DYNC1H1: variants seen among roughly 807,000 people sequenced by gnomAD.
The protein encoded by DYNC1H1 is cytoplasmic dynein 1 heavy chain 1.
DYNC1H1 carries 51 observed loss-of-function variants against 527.1 expected under a neutral mutation model. That is an observed-to-expected ratio of 0.10 (90% CI 0.08 to 0.12). DYNC1H1 has a LOEUF of 0.12. Among genes scored for constraint, DYNC1H1 ranks in the 10% least tolerant of loss-of-function variants. The pLI is 1.00. For missense variants in DYNC1H1, 2,771 were observed against 5,971.8 expected (o/e 0.46, Z 17.66); for synonymous variants, 2,189 against 2,278.8 (o/e 0.96, Z 1.12).
chr14:102,050,415 A>AAACC lies in DYNC1H1; in HGVS notation c.13813-19_13813-16dup. 1.2e-6 allele frequency: 2 copies of AAACC among 1,614,154 alleles called. No individual in the cohort carries two copies. Among genetic ancestry groups the AAACC allele is most frequent in the Non-Finnish European group, 1.7e-6 (2 of 1,180,024 alleles). The stretch of plus-strand genomic sequence containing the variant: ...CTTACTTTTCCCTTAAGCCACCAGT[A>AAACC]AACCCCTCTGCTTCTGCAGGTAACC... On this transcript the variant is annotated intron_variant, in intron 77 of 77. Transcript: ENST00000360184.
rs2048581225 is a variant in DYNC1H1, at chr14:102,036,837, G to T, written c.10908+195G>T. The T allele has an allele frequency of 1.5e-6, 1 of 683,872 alleles. No individual in the cohort carries two copies. The highest frequency in any genetic ancestry group is 2.4e-6 in the Non-Finnish European group (1 of 418,548). 42.4% of individuals were successfully genotyped at this position (683,872 alleles called of 1,614,324 possible). On this transcript the variant is annotated intron_variant, in intron 57 of 77. Transcript: ENST00000360184. This position sits in a 1 kb window ranked among gnomAD's most constrained non-coding sequence, Gnocchi z 5.6. ...ATTCTATTCAGTGGTCGGGCGAGGT[G>T]GCTCACACCTGTAATCTCAGCACTT...
intron 69 of DYNC1H1, chr14:102,043,613 C>T (rs1372604277): frequency 3.8e-6 from 2 of 527,072 alleles, no homozygotes; most frequent in African/African-American, 3.8e-5. Context: ...GTGCCACATT[C>T]ACGTTTTCTG....
chr14:101,990,194 G>T (rs2720203), intron 10 of DYNC1H1, among the ~76,000 whole-genome samples: 31,490 of 152,138 alleles, frequency 0.21, 4,379 homozygotes, highest in African/African-American at 0.39. Flanking sequence ...AATTCTTGTT[G>T]AGTGTAAAGC....
In DYNC1H1 at chr14:102,033,088, A is replaced by G. The variant is rs1356616117; in HGVS notation, c.10103A>G (p.Lys3368Arg). The change falls in exon 53 of 78, where the codon AAG becomes AGG. Residue 3368 changes from lysine (K) to arginine (R), a missense_variant. Around this residue, in one of 32 missense-constraint regions of DYNC1H1, gnomAD observed 283 missense variants for 737.6 expected, o/e 0.38. Transcript: ENST00000360184. The surrounding 1 kb of genome is among the most constrained non-coding windows in gnomAD (Gnocchi z 5.6). ...AGTGACGCCATAAGGGAGAAGATGA[A>G]GAAAAATTACATGTCCAATCCAAGT... ...EISDAIREKMKKNYMSNPSYN... is the reference protein window; with the variant it reads ...EISDAIREKMRKNYMSNPSYN... 1 of 1,614,214 alleles carries G rather than the reference A, an allele frequency of 6.2e-7. No homozygotes were observed. Among genetic ancestry groups the G allele is most frequent in the South Asian group, 1.1e-5 (1 of 91,074 alleles).
In DYNC1H1 at chr14:102,016,524, T is replaced by G; in HGVS notation, c.7614+35T>G. ...CAGCTACCACCCGTGTTTCTGATTCTCGCCTTGTTGATTTAACTCATCCTG... is the reference window on the plus strand; with the variant it reads ...CAGCTACCACCCGTGTTTCTGATTCGCGCCTTGTTGATTTAACTCATCCTG... On this transcript the variant is annotated intron_variant, in intron 37 of 77. Transcript: ENST00000360184. The surrounding 1 kb of genome is among the most constrained non-coding windows in gnomAD (Gnocchi z 7.3). 1 of 1,614,168 alleles carries G rather than the reference T, an allele frequency of 6.2e-7. No homozygotes were observed.
At position 102,049,600 on chromosome 14, in the gene DYNC1H1, G is replaced by GA. The variant is rs774180410; in HGVS notation, c.13515+19dup. 1.2e-6 allele frequency: 2 copies of GA among 1,613,714 alleles called. No individual in the cohort carries two copies. On this transcript the variant is annotated intron_variant, in intron 75 of 77. Transcript: ENST00000360184. This position sits in a 1 kb window ranked among gnomAD's most constrained non-coding sequence, Gnocchi z 5.5. ...AGCTAAAGGTGAAGGCGCTCCTGAC[G>GA]AGTCTCGGGTGGTCAGCAGCTGTCC... is the stretch of plus-strand genomic sequence containing the variant.
At chr14:102,009,777 T>C (rs952033642) in intron 29 of DYNC1H1, 66 bp from the exon 30 acceptor site, 15 of 1,608,636 alleles carry the variant, frequency 9.3e-6, no homozygotes, top group Non-Finnish European at 1.2e-5. Context: ...TTTAGAGACA[T>C]TTTAGAATGC....
chr14:102,013,138 A>G (rs1157345580), intron 34 of DYNC1H1, among the ~76,000 whole-genome samples: 2 of 150,706 alleles, frequency 1.3e-5, no homozygotes, highest in Admixed American at 6.7e-5. Context: ...AGTCCCAGCT[A>G]CTCAAGAGGC....
chr14:102,039,571 C>T lies in DYNC1H1; in HGVS notation c.11595+25C>T. The T allele has an allele frequency of 6.2e-7, 1 of 1,614,220 alleles. No homozygotes were observed. The highest frequency in any genetic ancestry group is 8.5e-7 in the Non-Finnish European group (1 of 1,180,020). ...GGTAGAGTGAGGTCCTCAGCCGCTC[C>T]CTGGCGGGGGGGAAGCAGGGTGCTG... On this transcript the variant is annotated intron_variant, in intron 61 of 77. Coordinates refer to ENST00000360184, the MANE Select transcript of DYNC1H1 (RefSeq NM_001376.5). The surrounding 1 kb of genome is among the most constrained non-coding windows in gnomAD (Gnocchi z 7.0).
Position 102,004,694 on chromosome 14 carries a change from G to A in DYNC1H1, c.5049+11G>A. On this transcript the variant is annotated intron_variant, in intron 24 of 77. Coordinates refer to ENST00000360184, the MANE Select transcript of DYNC1H1 (RefSeq NM_001376.5). ...CGGGAAGGAGAGGAGGTAAATTTAT[G>A]TTCGTAACTTTTAAAACTTCTCTCA... 1 of 1,614,124 alleles carries A rather than the reference G, an allele frequency of 6.2e-7. No individual in the cohort carries two copies. Among genetic ancestry groups the A allele is most frequent in the Non-Finnish European group, 8.5e-7 (1 of 1,180,020 alleles).
At chr14:101,973,960 A>G (rs924602590) in intron 1 of DYNC1H1, among the ~76,000 whole-genome samples, 8 of 152,246 alleles carry the variant, frequency 5.3e-5, no homozygotes, top group African/African-American at 1.9e-4. Flanking sequence ...ACCTAACTCA[A>G]TATTCTACTG....
At chr14:101,992,339 C>A (rs968195032) in intron 11 of DYNC1H1, among the ~76,000 whole-genome samples, 1 of 152,164 alleles carries the variant, frequency 6.6e-6, no homozygotes, top group South Asian at 2.1e-4. Flanking sequence ...TGGCTAAAAT[C>A]GTGGTGATGT....
At position 102,049,429 on chromosome 14, in the gene DYNC1H1, C is replaced by T. The variant is rs1335281008; in HGVS notation, c.13373-11C>T. ...AGCTGACACCCTGGGCTCTGTGTGC[C>T]TTGGCTGCAGGGATCTTGCCTCGGA... On this transcript the variant is annotated splice_polypyrimidine_tract_variant and intron_variant, in intron 74 of 77. Transcript: ENST00000360184. This position sits in a 1 kb window ranked among gnomAD's most constrained non-coding sequence, Gnocchi z 5.5. The T allele has an allele frequency of 1.9e-6, 3 of 1,613,932 alleles. No homozygotes were observed. Among genetic ancestry groups the T allele is most frequent in the Non-Finnish European group, 1.7e-6 (2 of 1,180,036 alleles).
Position 102,041,251 on chromosome 14 carries a change from C to T in DYNC1H1, c.11942-323C>T, listed in dbSNP as rs1482816950. The T allele has an allele frequency of 4.9e-6, 2 of 411,270 alleles. No individual in the cohort carries two copies. Among genetic ancestry groups the T allele is most frequent in the Non-Finnish European group, 9.2e-6 (2 of 218,274 alleles). 25.5% of individuals were successfully genotyped at this position (411,270 alleles called of 1,614,324 possible). ...AGCCAGGCTGAGAGGAAGTGTCAGA[C>T]TGTGGAGGGCAGAGCGTGGAGCCCC... On this transcript the variant is annotated intron_variant, in intron 64 of 77. Transcript: ENST00000360184. This position sits in a 1 kb window ranked among gnomAD's most constrained non-coding sequence, Gnocchi z 4.5.
chr14:102,001,130 T>G lies in DYNC1H1; in HGVS notation c.4186-15T>G. ...AACGCACCTGCACAGATCACTTTGT[T>G]TACTTTCTCCACAGATAAATATGCT... On this transcript the variant is annotated splice_polypyrimidine_tract_variant and intron_variant, in intron 19 of 77. Transcript: ENST00000360184. This position sits in a 1 kb window ranked among gnomAD's most constrained non-coding sequence, Gnocchi z 5.0. 2 of 1,614,196 alleles carry G rather than the reference T, an allele frequency of 1.2e-6. No homozygotes were observed. Among genetic ancestry groups the G allele is most frequent in the Admixed American group, 1.7e-5 (1 of 60,016 alleles).
rs1256915659 is a variant in DYNC1H1, at chr14:101,997,445, G to A, written c.3804+171G>A. On this transcript the variant is annotated intron_variant, in intron 16 of 77. Coordinates refer to ENST00000360184, the MANE Select transcript of DYNC1H1 (RefSeq NM_001376.5). The surrounding 1 kb of genome is among the most constrained non-coding windows in gnomAD (Gnocchi z 4.8). ...GAGATAGCAAATGTGAAAATATGAA[G>A]CCCAGCTTAGACCTCTTTTTACTCA... Among the ~76,000 whole-genome samples the A allele has an allele frequency of 6.6e-6, 1 of 152,172 alleles. No homozygotes were observed. The highest frequency in any genetic ancestry group is 2.4e-5 in the African/African-American group (1 of 41,434).
intron 34 of DYNC1H1, among the ~76,000 whole-genome samples, chr14:102,013,248 CAAAAAAAAAA>C (rs57229386): frequency 2.4e-5 from 1 of 41,314 alleles, no homozygotes; most frequent in African/African-American, 9.3e-5. Flanking sequence ...GACTCCGTCT[CAAAAAAAAAA>C]AAAAAAAAAA....
chr14:101,970,467 G>C (rs2047720638), intron 1 of DYNC1H1, among the ~76,000 whole-genome samples: 1 of 103,548 alleles, frequency 9.7e-6, no homozygotes, highest in African/African-American at 5.0e-5. Context: ...TGTTTGGTTT[G>C]TTGTTGTTTT....
rs758458056 is a variant in DYNC1H1 at position 102,054,564 on chromosome 14, C to CTT, written c.*4022_*4023dup. On this transcript the variant is annotated 3_prime_UTR_variant, in exon 78 of 78. Coordinates refer to ENST00000360184, the MANE Select transcript of DYNC1H1 (RefSeq NM_001376.5). ...CATCACCAACAGAGCCTTTGCAGAA[C>CTT]TTTTTTTTTTTTTTTTTTTTTTGAG... 2,070 of 113,768 alleles carry CTT rather than the reference C, an allele frequency of 0.018. 89 individuals carry two copies. Among genetic ancestry groups the CTT allele is most frequent in the African/African-American group, 0.049 (1,271 of 26,024 alleles). 7.0% of individuals were successfully genotyped at this position (113,768 alleles called of 1,614,324 possible). A position where few individuals can be genotyped will look rare whatever the true frequency, so the allele number is the denominator to read the frequency against.
Sources: allele counts gnomAD v4.1 joint callset (sites outside exome capture counted in the v4.1 genomes callset), GRCh38; gene constraint gnomAD v4.1.1; regional missense constraint gnomAD v4.1.1; non-coding constraint Gnocchi (gnomAD v3.1); transcripts MANE v1.5; gene names NCBI Gene and HGNC (gene_info 2026-07-23, HGNC 2026-07-21).